DCHS2: variants seen among roughly 807,000 people sequenced by gnomAD.
DCHS2 encodes protocadherin-23.
Under a neutral mutation model 182.4 loss-of-function variants are expected in DCHS2, and 142 were observed. That is an observed-to-expected ratio of 0.78 (90% CI 0.68 to 0.89). The LOEUF (loss-of-function observed/expected upper bound fraction) is 0.89, where lower values mean the gene tolerates loss of function less well. Among genes scored for constraint, DCHS2 ranks in the 40% least tolerant of loss-of-function variants. DCHS2 has a pLI of 0.00. For missense variants in DCHS2, 4,319 were observed against 4,198.6 expected, an observed-to-expected ratio of 1.03 and a Z score of -0.79; for synonymous variants, 1,740 against 1,663.3, an observed-to-expected ratio of 1.05 and a Z score of -1.12.
At chr4:154,240,408 CG>C (rs1731751861) in intron 18 of DCHS2, 128 bp downstream of exon 18, 1 of 1,111,714 alleles carries the variant, frequency 9.0e-7, no homozygotes, top group African/African-American at 1.5e-5. Context: ...AAACCCGCAG[CG>C]TTAACTTAGG....
chr4:154,430,168 A>G (rs139826080), intron 1 of DCHS2, among the ~76,000 whole-genome samples: 150 of 152,356 alleles, frequency 9.8e-4, no homozygotes, highest in African/African-American at 3.4e-3. Context: ...AAAGAATGGC[A>G]TAGCATGCTT....
intron 13 of DCHS2, among the ~76,000 whole-genome samples, chr4:154,294,118 T>C (rs1211891055): frequency 1.3e-5 from 2 of 152,228 alleles, no homozygotes; most frequent in Non-Finnish European, 2.9e-5. Context: ...TGCACTTTCA[T>C]CTTCATATCT....
intron 1 of DCHS2, among the ~76,000 whole-genome samples, chr4:154,390,735 TCTAA>T (rs1236192812): frequency 1.3e-5 from 2 of 152,166 alleles, no homozygotes; most frequent in Non-Finnish European, 2.9e-5. Context: ...CATGTACAAC[TCTAA>T]CTATTCAGGA....
chr4:154,236,348 C>A lies in DCHS2; in HGVS notation c.8304G>T (p.Gln2768His). The A allele has an allele frequency of 6.2e-7, 1 of 1,614,040 alleles. No homozygotes were observed. Among genetic ancestry groups the A allele is most frequent in the Non-Finnish European group, 8.5e-7 (1 of 1,179,964 alleles). The change falls in exon 20 of 20, where the codon CAG becomes CAT. Residue 2768 changes from glutamine to histidine, a missense_variant. Gln to His is a conservative substitution (Grantham distance 24). Transcript: ENST00000357232. ...SVLDDNDHAP[Q>H]FMFSSFSCIV... ...TACAGCTGAAGCTTGAGAACATAAA[C>A]TGAGGTGCATGGTCGTTATCATCCA...
chr4:154,275,912 A>G (rs1471987175), intron 13 of DCHS2, among the ~76,000 whole-genome samples: 1 of 152,182 alleles, frequency 6.6e-6, no homozygotes, highest in Non-Finnish European at 1.5e-5. Context: ...TCAAATTTTC[A>G]TAATATCAAA....
chr4:154,323,184 T>C, intron 7 of DCHS2: 1 of 1,549,292 alleles, frequency 6.5e-7, no homozygotes, highest in South Asian at 1.2e-5. Flanking sequence ...AATATGTTCC[T>C]CTATTCTTAT....
chr4:154,410,322 A>G (rs184618376), intron 1 of DCHS2, among the ~76,000 whole-genome samples: 28 of 152,052 alleles, frequency 1.8e-4, no homozygotes, highest in African/African-American at 6.5e-4. Context: ...GATGGATATC[A>G]TACAAAAGAA....
intron 1 of DCHS2, among the ~76,000 whole-genome samples, chr4:154,404,590 A>G (rs1732322379): frequency 6.6e-6 from 1 of 152,220 alleles, no homozygotes; most frequent in East Asian, 1.9e-4. Context: ...ACTTTTGCCT[A>G]CTTGACCAAT....
chr4:154,331,573 G>C, intron 5 of DCHS2: 1 of 1,603,066 alleles, frequency 6.2e-7, no homozygotes, highest in Non-Finnish European at 8.5e-7. Flanking sequence ...CATCTGCTGT[G>C]AAAGGTCACC....
In DCHS2 at chr4:154,490,813, C is replaced by G. The variant is rs1217667762; in HGVS notation, c.543G>C (p.Pro181=). The G allele has an allele frequency of 6.4e-7, 1 of 1,551,550 alleles. No individual in the cohort carries two copies. Among genetic ancestry groups the G allele is most frequent in the Non-Finnish European group, 8.7e-7 (1 of 1,146,918 alleles). Reference sequence around the variant, plus strand: ...CTGGCAGGCGGAAGGCGGTCCCTGGCGGGCTGAGCTCGGAGACGTCGAGTT... The same window carrying G: ...CTGGCAGGCGGAAGGCGGTCCCTGGGGGGCTGAGCTCGGAGACGTCGAGTT... ...SLQLDVSELS[P]PGTAFRLPVA... is the part of the protein sequence containing the mutation. Residue 181 remains proline (P), a synonymous_variant, in exon 1 of 20, where the codon CCG becomes CCC. Transcript: ENST00000357232.
chr4:154,367,382 A>AGGTAC (rs1251975980), intron 2 of DCHS2, among the ~76,000 whole-genome samples: 2 of 152,140 alleles, frequency 1.3e-5, no homozygotes, highest in Admixed American at 6.6e-5. Flanking sequence ...GGAGCAGTGC[A>AGGTAC]GGTACTCATC....
intron 13 of DCHS2, among the ~76,000 whole-genome samples, chr4:154,293,408 C>CT (rs1387083885): frequency 6.6e-6 from 1 of 152,114 alleles, no homozygotes; most frequent in Non-Finnish European, 1.5e-5. Flanking sequence ...TGTCAAACTC[C>CT]TGACCTCTGG....
intron 5 of DCHS2, chr4:154,331,464 T>C: frequency 8.8e-7 from 1 of 1,141,162 alleles, no homozygotes; most frequent in Non-Finnish European, 1.2e-6. Context: ...GCTGTATGGT[T>C]TGTGCCCTTG....
At chr4:154,398,996 G>A (rs1017049524) in intron 1 of DCHS2, among the ~76,000 whole-genome samples, 2 of 152,162 alleles carry the variant, frequency 1.3e-5, no homozygotes, top group African/African-American at 2.4e-5. Context: ...AAGGGAAAAT[G>A]GGAACAGTAC....
intron 7 of DCHS2, among the ~76,000 whole-genome samples, chr4:154,324,160 G>A (rs963782826): frequency 1.3e-5 from 2 of 152,130 alleles, no homozygotes; most frequent in Admixed American, 6.5e-5. Flanking sequence ...TTTGGAAATC[G>A]TTAAGCATGA....
chr4:154,293,464 G>A (rs1196820289), intron 13 of DCHS2, among the ~76,000 whole-genome samples: 1 of 152,154 alleles, frequency 6.6e-6, no homozygotes, highest in Admixed American at 6.5e-5. Context: ...TTACAGGCGT[G>A]AACCACTGCG....
intron 3 of DCHS2, among the ~76,000 whole-genome samples, chr4:154,365,073 A>T (rs1471876828): frequency 3.3e-5 from 5 of 152,170 alleles, no homozygotes; most frequent in African/African-American, 4.8e-5. Context: ...TAGAAAATGG[A>T]AGGTAACTTC....
At chr4:154,275,999 A>G (rs1443817237) in intron 13 of DCHS2, among the ~76,000 whole-genome samples, 1 of 152,158 alleles carries the variant, frequency 6.6e-6, no homozygotes, top group African/African-American at 2.4e-5. Context: ...GAAGCTGCAA[A>G]TGTTTTATAT....
intron 3 of DCHS2, among the ~76,000 whole-genome samples, chr4:154,336,344 T>C (rs1413265150): frequency 1.3e-5 from 2 of 152,234 alleles, no homozygotes; most frequent in Admixed American, 6.5e-5. Context: ...ACGGATCTAA[T>C]GCAATCAACT....
Sources: gnomAD v4.1 joint callset for allele counts (sites outside exome capture counted in the v4.1 genomes callset) on GRCh38, gnomAD v4.1.1 for gene constraint, MANE v1.5 for transcripts, NCBI Gene and HGNC (gene_info 2026-07-23, HGNC 2026-07-21) for gene names.